The following PCDHA6 variants were observed in gnomAD, a reference collection of about 807,000 sequenced individuals.
PCDHA6 encodes the protein protocadherin alpha-6.
PCDHA6 carries 55 observed loss-of-function variants against 60.3 expected under a neutral mutation model. The observed-to-expected ratio is 0.91, with a 90% confidence interval of 0.73 to 1.14. The LOEUF is 1.14. Ranked by LOEUF, PCDHA6 falls within the 50% of genes most tolerant of loss-of-function variation. The probability of loss-of-function intolerance (pLI) is 0.00; values close to 1 mark genes in which losing one functional copy is unlikely to be tolerated. For missense variants in PCDHA6, 1,327 were observed against 1,256.5 expected, an observed-to-expected ratio of 1.06 and a Z score of -0.85; for synonymous variants, 652 against 557.9, an observed-to-expected ratio of 1.17 and a Z score of -2.38.
intron 1 of PCDHA6, among the ~76,000 whole-genome samples, chr5:140,978,200 C>T (rs2096792236): frequency 6.6e-6 from 1 of 152,220 alleles, no homozygotes. Context: ...TTTCAATACA[C>T]AACTAATGCA....
intron 1 of PCDHA6, chr5:140,969,308 A>G (rs782412499): frequency 1.9e-6 from 3 of 1,614,196 alleles, no homozygotes; most frequent in Middle Eastern, 3.3e-4. Context: ...TATTCTCAAA[A>G]ATGAGGCTGT....
chr5:140,868,850 G>C, intron 1 of PCDHA6: 3 of 459,172 alleles, frequency 6.5e-6, no homozygotes, highest in South Asian at 5.9e-5. Flanking sequence ...GTGAAATTCT[G>C]TGGTGGTAAA....
At chr5:140,861,511 T>C in intron 1 of PCDHA6, 1 of 471,158 alleles carries the variant, frequency 2.1e-6, no homozygotes, top group South Asian at 1.7e-5. Flanking sequence ...CTCGAGGAGC[T>C]GTGTGGGAGG....
At chr5:140,878,586 C>T (rs1020008029) in intron 1 of PCDHA6, among the ~76,000 whole-genome samples, 9 of 152,164 alleles carry the variant, frequency 5.9e-5, no homozygotes, top group Non-Finnish European at 1.3e-4. Context: ...TGCCCTGTGC[C>T]TATTACCAAG....
At position 140,838,280 on chromosome 5, in the gene PCDHA6, A is replaced by ATTTTTT. The variant is rs34299325; in HGVS notation, c.2394+7805_2394+7810dup. On this transcript the variant is annotated intron_variant, in intron 1 of 3. Transcript: ENST00000529310. ...AGACGCCAACAACCAAGCCATGCTA[A>ATTTTTT]TTTTTTTTTTTTTTTGTATTTTTAG... is the stretch of plus-strand genomic sequence containing the variant. 3.0e-3 allele frequency among the ~76,000 whole-genome samples: 422 copies of ATTTTTT among 139,576 alleles called. 11 individuals are homozygous for ATTTTTT. Among genetic ancestry groups the ATTTTTT allele is most frequent in the African/African-American group, 0.011 (409 of 36,774 alleles). The allele number at this position is 139,576 out of a possible 152,430, so 91.6% of individuals were successfully genotyped here.
In PCDHA6 at chr5:140,915,632, C is replaced by CTCTG. The variant is rs1161142039; in HGVS notation, c.2395-63314_2395-63313insGTCT. 3.9e-3 allele frequency among the ~76,000 whole-genome samples: 565 copies of CTCTG among 144,610 alleles called. 2 individuals are homozygous for CTCTG. Among genetic ancestry groups the CTCTG allele is most frequent in the African/African-American group, 0.016 (538 of 34,672 alleles). 94.9% of individuals were successfully genotyped at this position (144,610 alleles called of 152,430 possible). A position where few individuals can be genotyped will look rare whatever the true frequency, so the allele number is the denominator to read the frequency against. On this transcript the variant is annotated intron_variant, in intron 1 of 3. Coordinates refer to ENST00000529310, the MANE Select transcript of PCDHA6 (RefSeq NM_018909.4). ...TGTCAAACAGTCTCTTTCTGTCTCT[C>CTCTG]TCTCTCTCTCTCTCTCTCTCTCTCA...
At chr5:140,867,661 C>A (rs940517637) in intron 1 of PCDHA6, 30 of 152,196 alleles carry the variant, frequency 2.0e-4, no homozygotes, top group African/African-American at 6.7e-4. Flanking sequence ...AAATCACTTT[C>A]TACTCTAAAA....
intron 3 of PCDHA6, among the ~76,000 whole-genome samples, chr5:140,985,803 G>T (rs536777034): frequency 2.9e-5 from 4 of 139,766 alleles, no homozygotes; most frequent in Non-Finnish European, 6.0e-5. Context: ...GCAGTGGCAC[G>T]ATCTCAGCTC....
At chr5:140,914,033 G>A (rs1192515722) in intron 1 of PCDHA6, among the ~76,000 whole-genome samples, 1 of 152,138 alleles carries the variant, frequency 6.6e-6, no homozygotes, top group Non-Finnish European at 1.5e-5. Context: ...GTGCTGAGAA[G>A]AATGTGTATT....
In PCDHA6 at chr5:140,829,168, A is replaced by G. The variant is rs113613407; in HGVS notation, c.1077A>G (p.Val359=). The change falls in exon 1 of 4, where the codon GTA becomes GTG. Residue 359 remains valine (V), a synonymous_variant. Coordinates refer to ENST00000529310, the MANE Select transcript of PCDHA6 (RefSeq NM_018909.4). The part of the protein sequence containing the change: ...EIALTSLSLP[V]REDAQFGTVI... ...CACTGACTTCCTTATCCTTGCCTGTACGTGAAGACGCTCAATTTGGTACTG... is the reference window on the plus strand; with the variant it reads ...CACTGACTTCCTTATCCTTGCCTGTGCGTGAAGACGCTCAATTTGGTACTG... The G allele has an allele frequency of 3.0e-3, 4,904 of 1,614,084 alleles. 121 individuals carry two copies. The African/African-American group carries it at 0.055, about 18-fold the overall frequency.
At chr5:140,853,678 A>G (rs2042828793) in intron 1 of PCDHA6, 4 of 988,418 alleles carry the variant, frequency 4.0e-6, no homozygotes, top group Non-Finnish European at 3.7e-6. Flanking sequence ...CCTATGGTCA[A>G]CCTATCCTTA....
chr5:140,915,234 A>G (rs1373292519), intron 1 of PCDHA6, among the ~76,000 whole-genome samples: 1 of 152,144 alleles, frequency 6.6e-6, no homozygotes, highest in Non-Finnish European at 1.5e-5. Flanking sequence ...GGCATGAGCC[A>G]CCATGCCTGG....
intron 1 of PCDHA6, among the ~76,000 whole-genome samples, chr5:140,898,035 T>G (rs1227571900): frequency 5.9e-5 from 9 of 152,120 alleles, no homozygotes; most frequent in African/African-American, 2.2e-4. Context: ...TTGATGGGGT[T>G]GTTTGTTTTT....
At chr5:140,850,264 T>A in intron 1 of PCDHA6, 1 of 1,594,136 alleles carries the variant, frequency 6.3e-7, no homozygotes, top group Non-Finnish European at 8.6e-7. Flanking sequence ...GCCGGCGTAG[T>A]GGTGGGGAAG....
intron 1 of PCDHA6, chr5:140,836,168 T>A: frequency 1.2e-6 from 2 of 1,613,802 alleles, no homozygotes; most frequent in Non-Finnish European, 1.7e-6. Flanking sequence ...CGAAGGTACG[T>A]GCAGTTGACG....
At chr5:140,997,141 C>T (rs941650589) in intron 3 of PCDHA6, among the ~76,000 whole-genome samples, 6 of 152,088 alleles carry the variant, frequency 3.9e-5, no homozygotes, top group Admixed American at 2.6e-4. Flanking sequence ...CCCACACCCC[C>T]GCCACAGTGA....
chr5:140,895,763 T>C (rs1291731285), intron 1 of PCDHA6, among the ~76,000 whole-genome samples: 2 of 152,170 alleles, frequency 1.3e-5, no homozygotes, highest in East Asian at 1.9e-4. Context: ...TTTTCTTTCT[T>C]TATGGCTGCA....
intron 3 of PCDHA6, among the ~76,000 whole-genome samples, chr5:141,000,895 T>C (rs896500322): frequency 5.3e-5 from 8 of 152,072 alleles, no homozygotes; most frequent in Non-Finnish European, 1.2e-4. Context: ...GCAACAGATA[T>C]AGACGCTGTC....
intron 1 of PCDHA6, chr5:140,857,046 G>A: frequency 6.3e-7 from 1 of 1,595,842 alleles, no homozygotes; most frequent in African/African-American, 1.3e-5. Context: ...GTTGGTCACT[G>A]CACGGTCCTA....
Sources: gnomAD v4.1 joint callset for allele counts (sites outside exome capture counted in the v4.1 genomes callset) on GRCh38, gnomAD v4.1.1 for gene constraint, MANE v1.5 for transcripts, NCBI Gene and HGNC (gene_info 2026-07-23, HGNC 2026-07-21) for gene names.